The following MBTPS1 variants were observed in gnomAD, a reference collection of about 807,000 sequenced individuals.
MBTPS1 encodes the protein membrane bound transcription factor peptidase, site 1.
In MBTPS1, 94 loss-of-function variants were observed where a neutral mutation model predicts 127.8. The observed-to-expected ratio is 0.74, with a 90% CI of 0.62 to 0.87. MBTPS1 has a LOEUF of 0.87. Ranked by LOEUF, MBTPS1 falls within the 40% of genes least tolerant of loss-of-function variation. The pLI, the probability that MBTPS1 is intolerant of heterozygous loss-of-function variation, is 0.00. For missense variants in MBTPS1, 1,636 were observed against 1,353.2 expected, an observed-to-expected ratio of 1.21 and a Z score of -3.28; for synonymous variants, 632 against 509.4, an observed-to-expected ratio of 1.24 and a Z score of -3.24.
At chr16:84,058,478 G>C (rs1466596477) in intron 21 of MBTPS1, among the ~76,000 whole-genome samples, 4 of 152,230 alleles carry the variant, frequency 2.6e-5, no homozygotes, top group African/African-American at 9.6e-5. Flanking sequence ...ACTCCTGCTT[G>C]ATGGGGTGGG....
chr16:84,093,969 C>G, intron 4 of MBTPS1, 148 bp from the exon 5 acceptor site: 1 of 650,666 alleles, frequency 1.5e-6, no homozygotes, highest in Non-Finnish European at 2.7e-6. Flanking sequence ...GTTAGGTCAG[C>G]TGCTCCCAGG....
At chr16:84,088,218 G>C (rs958570278) in intron 8 of MBTPS1, among the ~76,000 whole-genome samples, 1 of 152,016 alleles carries the variant, frequency 6.6e-6, no homozygotes. Flanking sequence ...CAAAAAAAAT[G>C]AACTCTTTGA....
At chr16:84,061,176 A>C in intron 19 of MBTPS1, 1 of 168,158 alleles carries the variant, frequency 5.9e-6, no homozygotes, top group Non-Finnish European at 1.3e-5. Flanking sequence ...TAGTCCCCAA[A>C]AGTGGGGGAA....
In MBTPS1 at chr16:84,103,253, A is replaced by AT. The variant is rs201254157; in HGVS notation, c.-324-1147dup. Among the ~76,000 whole-genome samples, 612 of 146,162 alleles carry AT rather than the reference A, an allele frequency of 4.2e-3. 7 individuals carry two copies. Among genetic ancestry groups the AT allele is most frequent in the African/African-American group, 0.013 (502 of 39,270 alleles). ...TGCTACTTAGGATTTTATTATTATT[A>AT]TTATTTTTTTTTTTTTTTTGAGGAA... is the stretch of plus-strand genomic sequence containing the variant. On this transcript the variant is annotated intron_variant, in intron 1 of 22. Coordinates refer to ENST00000343411, the MANE Select transcript of MBTPS1 (RefSeq NM_003791.4).
At chr16:84,088,741 C>G (rs920710262) in intron 8 of MBTPS1, among the ~76,000 whole-genome samples, 1 of 152,136 alleles carries the variant, frequency 6.6e-6, no homozygotes, top group African/African-American at 2.4e-5. Context: ...GTGCCTCATT[C>G]CCAGAGGGGC....
At chr16:84,091,104 T>C (rs1016986212) in intron 7 of MBTPS1, among the ~76,000 whole-genome samples, 162 bp from the exon 8 acceptor site, 11 of 152,080 alleles carry the variant, frequency 7.2e-5, no homozygotes, top group Non-Finnish European at 7.4e-5. Context: ...TTTTAGAGGA[T>C]ACCACCCGGG....
At chr16:84,095,859 T>C (rs961399107) in intron 3 of MBTPS1, 54 bp from the exon 4 acceptor site, 13 of 1,456,174 alleles carry the variant, frequency 8.9e-6, no homozygotes, top group Non-Finnish European at 1.2e-5. Flanking sequence ...AACTACACGA[T>C]ACCCGCCAGG....
chr16:84,077,127 A>G (rs540995448), intron 11 of MBTPS1, among the ~76,000 whole-genome samples: 8 of 151,774 alleles, frequency 5.3e-5, no homozygotes, highest in Non-Finnish European at 1.5e-5. Context: ...TGGGAGGCTG[A>G]GACGGGACAG....
chr16:84,101,394 G>A (rs1817797699), intron 2 of MBTPS1, among the ~76,000 whole-genome samples: 1 of 151,966 alleles, frequency 6.6e-6, no homozygotes, highest in Admixed American at 6.6e-5. Context: ...GGGAGGCTGA[G>A]GCATGAGAAT....
Position 84,056,117 on chromosome 16 carries a change from C to T in MBTPS1, c.2850G>A (p.Gln950=). ...TGTCCAGGTCAATGGAGAGTAGCTT[C>T]TGATGTTTCCAAAGGTTACTTCAGG... ...ETAPSNLWKH[Q]KLLSIDLDKV... The change falls in exon 22 of 23, where the codon CAG becomes CAA. Residue 950 remains glutamine, a synonymous_variant. Transcript: ENST00000343411. The T allele has an allele frequency of 6.2e-7, 1 of 1,614,028 alleles. No individual in the cohort carries two copies. The highest frequency in any genetic ancestry group is 1.1e-5 in the South Asian group (1 of 91,080).
At chr16:84,097,511 C>T (rs1238996847) in intron 3 of MBTPS1, among the ~76,000 whole-genome samples, 1 of 152,300 alleles carries the variant, frequency 6.6e-6, no homozygotes, top group South Asian at 2.1e-4. Flanking sequence ...CCGGAACACA[C>T]GCAGTGGAGA....
At chr16:84,111,031 T>C (rs1167728650) in intron 1 of MBTPS1, among the ~76,000 whole-genome samples, 1 of 152,084 alleles carries the variant, frequency 6.6e-6, no homozygotes, top group South Asian at 2.1e-4. Context: ...GGCTGAAAAA[T>C]GGTCCCCACA....
Position 84,101,898 on chromosome 16 carries a change from CT to C in MBTPS1, c.-116del. On this transcript the variant is annotated 5_prime_UTR_variant, in exon 2 of 23. An upstream open reading frame in the 5' UTR loses its in-frame stop. Coordinates refer to ENST00000343411, the MANE Select transcript of MBTPS1 (RefSeq NM_003791.4). The stretch of plus-strand genomic sequence containing the variant: ...AGCTGCAACATTACTAATCAGCCAT[CT>C]TACAGTCTTGCCCAACATAAATAAA... 1 of 934,174 alleles carries C rather than the reference CT, an allele frequency of 1.1e-6. No homozygotes were observed. The highest frequency in any genetic ancestry group is 1.7e-6 in the Non-Finnish European group (1 of 602,090). 57.9% of individuals were successfully genotyped at this position (934,174 alleles called of 1,614,324 possible). A position where few individuals can be genotyped will look rare whatever the true frequency, so the allele number is the denominator to read the frequency against.
intron 12 of MBTPS1, among the ~76,000 whole-genome samples, chr16:84,072,870 A>G (rs1003611891): frequency 3.3e-5 from 5 of 152,230 alleles, no homozygotes; most frequent in Non-Finnish European, 7.3e-5. Context: ...CTAAGCTGAC[A>G]TAACTCCACT....
Position 84,081,832 on chromosome 16 carries a change from CG to C in MBTPS1, c.1362del (p.Val456SerfsTer29). 7 of 1,532,984 alleles carry C rather than the reference CG, an allele frequency of 4.6e-6. No homozygotes were observed. The highest frequency in any genetic ancestry group is 2.1e-5 in the Admixed American group (1 of 48,304). 95.0% of individuals were successfully genotyped at this position (1,532,984 alleles called of 1,614,324 possible). A position where few individuals can be genotyped will look rare whatever the true frequency, so the allele number is the denominator to read the frequency against. ...QALIASARRL[P>X]GVNMFEQGHG... ...TGGCCTTGCTCAAACATGTTGACCC[CG>C]GGGAGCCTCCGGGCTGACGCGATCA... On this transcript the variant is annotated frameshift_variant, in exon 11 of 23. Transcript: ENST00000343411. LOFTEE classifies it high-confidence loss of function.
At position 84,064,905 on chromosome 16, in the gene MBTPS1, T is replaced by C. The variant is rs2085659493; in HGVS notation, c.2431+785A>G. ...GAGAAATCCTCTCTTTTCATCGTTT[T>C]CAACTAATAAAACTATCCTTAACGT... On this transcript the variant is annotated intron_variant, in intron 18 of 22. Coordinates refer to ENST00000343411, the MANE Select transcript of MBTPS1 (RefSeq NM_003791.4). Among the ~76,000 whole-genome samples, 3 of 152,248 alleles carry C rather than the reference T, an allele frequency of 2.0e-5. No individual in the cohort carries two copies. In the South Asian group the frequency reaches 6.2e-4, roughly 31 times the overall value.
chr16:84,090,527 C>T (rs537766316), intron 8 of MBTPS1, among the ~76,000 whole-genome samples: 29 of 152,286 alleles, frequency 1.9e-4, no homozygotes, highest in Non-Finnish European at 3.7e-4. Context: ...CAGATCTCAT[C>T]AACACTGCAG....
chr16:84,098,944 C>G, intron 3 of MBTPS1, 109 bp downstream of exon 3: 1 of 1,118,242 alleles, frequency 8.9e-7, no homozygotes, highest in Non-Finnish European at 1.3e-6. Context: ...AATTAGCAAA[C>G]TAGATGGAAG....
intron 8 of MBTPS1, among the ~76,000 whole-genome samples, chr16:84,090,171 C>T (rs2086083944): frequency 1.3e-5 from 2 of 152,182 alleles, no homozygotes; most frequent in South Asian, 4.1e-4. Context: ...ACAGAAACTT[C>T]GAGCACAAGA....
Sources: allele counts gnomAD v4.1 joint callset (sites outside exome capture counted in the v4.1 genomes callset), GRCh38; gene constraint gnomAD v4.1.1; transcripts MANE v1.5; gene names NCBI Gene and HGNC (gene_info 2026-07-23, HGNC 2026-07-21).